Variants in EPHA7 observed in about 807,000 individuals in gnomAD.
The protein encoded by EPHA7 is ephrin type-A receptor 7.
Under a neutral mutation model 112.6 loss-of-function variants are expected in EPHA7, and 25 were observed. The observed-to-expected ratio is 0.22, with a 90% confidence interval of 0.16 to 0.31. The LOEUF (loss-of-function observed/expected upper bound fraction) is 0.31. Among genes scored for constraint, EPHA7 ranks in the 10% least tolerant of loss-of-function variants. The pLI is 1.00. For missense variants in EPHA7, 962 were observed against 1,212.6 expected (o/e 0.79, Z 3.07); for synonymous variants, 437 against 406.5 (o/e 1.07, Z -0.90).
intron 3 of EPHA7, among the ~76,000 whole-genome samples, chr6:93,397,263 T>A (rs1407231342): frequency 2.0e-5 from 3 of 151,794 alleles, no homozygotes; most frequent in Admixed American, 1.3e-4. Flanking sequence ...AGTAAATAGT[T>A]TTTCAAGAAA....
rs777662629 is a variant in EPHA7 at position 93,258,226 on chromosome 6, T to C, written c.1983A>G (p.Ala661=). The C allele has an allele frequency of 6.2e-7, 1 of 1,612,278 alleles. No individual in the cohort carries two copies. Among genetic ancestry groups the C allele is most frequent in the South Asian group, 1.1e-5 (1 of 90,828 alleles). Residue 661 remains alanine (A), a synonymous_variant, in exon 11 of 17, where the codon GCA becomes GCG. Transcript: ENST00000369303. Reference sequence around the variant, plus strand: ...CAACTTTCAGGGTTTTTATGGCTACTGCAACATCTCTTTTCCCTGGAAGTT... The same window carrying C: ...CAACTTTCAGGGTTTTTATGGCTACCGCAACATCTCTTTTCCCTGGAAGTT... ...RLKLPGKRDV[A]VAIKTLKVGY...
chr6:93,260,543 G>T (rs1439233168), intron 9 of EPHA7: 10 of 959,348 alleles, frequency 1.0e-5, no homozygotes, highest in Admixed American at 1.2e-4. Flanking sequence ...CTTACTATTT[G>T]GAGAACAATA....
At position 93,243,293 on chromosome 6, in the gene EPHA7, T is replaced by C; in HGVS notation, c.*133A>G. On this transcript the variant is annotated 3_prime_UTR_variant, in exon 17 of 17. Transcript: ENST00000369303. Reference sequence around the variant, plus strand: ...CTTAGGAGTTCAAGTCTATAGGTGCTTCTTAAATCTTCTCTTCACTGTTGG... The same window carrying C: ...CTTAGGAGTTCAAGTCTATAGGTGCCTCTTAAATCTTCTCTTCACTGTTGG... 1.7e-6 allele frequency: 1 copy of C among 578,210 alleles called. No individual in the cohort carries two copies. Among genetic ancestry groups the C allele is most frequent in the Non-Finnish European group, 3.0e-6 (1 of 334,026 alleles). 35.8% of individuals were successfully genotyped at this position (578,210 alleles called of 1,614,324 possible).
At chr6:93,247,184 TC>T in intron 14 of EPHA7, among the ~76,000 whole-genome samples, 199 bp from the exon 15 acceptor site, 1 of 152,286 alleles carries the variant, frequency 6.6e-6, no homozygotes, top group Non-Finnish European at 1.5e-5. Flanking sequence ...TGATGACATT[TC>T]CTAGTTAATT....
intron 5 of EPHA7, among the ~76,000 whole-genome samples, chr6:93,333,341 C>T (rs1334231915): frequency 2.0e-5 from 3 of 151,680 alleles, no homozygotes; most frequent in South Asian, 2.1e-4. Context: ...TGTGCTGTGA[C>T]GAACATACGC....
chr6:93,248,975 T>C (rs890524326), intron 14 of EPHA7, among the ~76,000 whole-genome samples: 1 of 152,314 alleles, frequency 6.6e-6, no homozygotes, highest in African/African-American at 2.4e-5. Context: ...AGTGATGGAG[T>C]GATTATCTCA....
intron 3 of EPHA7, among the ~76,000 whole-genome samples, chr6:93,364,547 A>AG (rs1452532562): frequency 6.6e-6 from 1 of 151,872 alleles, no homozygotes; most frequent in Non-Finnish European, 1.5e-5. Flanking sequence ...AAAAAAAAAA[A>AG]AAAAAAAATT....
intron 2 of EPHA7, among the ~76,000 whole-genome samples, chr6:93,414,487 T>C (rs940930093): frequency 6.6e-6 from 1 of 151,168 alleles, no homozygotes; most frequent in Non-Finnish European, 1.5e-5. Context: ...CAAAAGACTA[T>C]GGCTATGAGG....
rs745460482 is a variant in EPHA7, at chr6:93,411,088, T to C, written c.245A>G (p.Asn82Ser). 5 of 1,613,868 alleles carry C rather than the reference T, an allele frequency of 3.1e-6. No individual in the cohort carries two copies. The highest frequency in any genetic ancestry group is 4.2e-6 in the Non-Finnish European group (5 of 1,179,954). ...QVCQVMEPNQNNWLRTNWISK... is the reference protein window; with the variant it reads ...QVCQVMEPNQSNWLRTNWISK... ...AATCCAGTTAGTCCGCAGCCAGTTG[T>C]TTTGGTTGGGCTCCATGACTTGGCA... Residue 82 changes from asparagine to serine, a missense_variant, in exon 3 of 17, where the codon AAC (asparagine) becomes AGC (serine). Asn to Ser is a conservative substitution (Grantham distance 46). This residue lies in a region of EPHA7 where 160 missense variants were observed against 263.6 expected (regional missense o/e 0.61). Coordinates refer to ENST00000369303, the MANE Select transcript of EPHA7 (RefSeq NM_004440.4).
At chr6:93,382,023 T>C (rs995678468) in intron 3 of EPHA7, among the ~76,000 whole-genome samples, 1 of 152,224 alleles carries the variant, frequency 6.6e-6, no homozygotes, top group African/African-American at 2.4e-5. Flanking sequence ...ATAAAAAGAA[T>C]TTGATATAAG....
rs370735721 is a variant in EPHA7, at chr6:93,243,393, T to C, written c.*33A>G. On this transcript the variant is annotated 3_prime_UTR_variant, in exon 17 of 17. Coordinates refer to ENST00000369303, the MANE Select transcript of EPHA7 (RefSeq NM_004440.4). ...GAAGGCCAGTACTGTTCTCTTGCAG[T>C]CTGTAATCTCCCTTAAAAGGGAGAA... 276 of 1,516,328 alleles carry C rather than the reference T, an allele frequency of 1.8e-4. 1 individual carries two copies. In the South Asian group the frequency reaches 2.2e-3, roughly 12 times the overall value. 93.9% of individuals were successfully genotyped at this position (1,516,328 alleles called of 1,614,324 possible).
At chr6:93,317,780 C>G (rs992517125) in intron 5 of EPHA7, among the ~76,000 whole-genome samples, 1 of 152,116 alleles carries the variant, frequency 6.6e-6, no homozygotes, top group Non-Finnish European at 1.5e-5. Flanking sequence ...TGTCTAGCAC[C>G]TACAATATGT....
chr6:93,385,171 A>G (rs145935423), intron 3 of EPHA7, among the ~76,000 whole-genome samples: 1 of 152,288 alleles, frequency 6.6e-6, no homozygotes, highest in East Asian at 1.9e-4. Context: ...ATGTTGTTCT[A>G]TAAATGAAAT....
intron 10 of EPHA7, among the ~76,000 whole-genome samples, chr6:93,258,675 T>G (rs1198653895): frequency 6.7e-6 from 1 of 148,246 alleles, no homozygotes; most frequent in African/African-American, 2.4e-5. Context: ...TTTAAAAATT[T>G]TTTTATATAT....
At chr6:93,328,252 T>C (rs1774418506) in intron 5 of EPHA7, among the ~76,000 whole-genome samples, 1 of 151,614 alleles carries the variant, frequency 6.6e-6, no homozygotes, top group Non-Finnish European at 1.5e-5. Context: ...CTATGTATTT[T>C]GTTTGAACAA....
intron 3 of EPHA7, among the ~76,000 whole-genome samples, chr6:93,367,219 T>G (rs1485333535): frequency 6.6e-6 from 1 of 152,132 alleles, no homozygotes; most frequent in African/African-American, 2.4e-5. Context: ...AGGCAACAAT[T>G]AGGAGAGTTC....
At chr6:93,311,133 T>TTTTTTTTTTTTTTTTTG in intron 5 of EPHA7, among the ~76,000 whole-genome samples, 1 of 143,246 alleles carries the variant, frequency 7.0e-6, no homozygotes, top group Non-Finnish European at 1.5e-5. Flanking sequence ...TTTTTTTTTT[T>TTTTTTTTTTTTTTTTTG]TTTTTTTTAC....
intron 3 of EPHA7, among the ~76,000 whole-genome samples, chr6:93,395,043 G>A (rs967410561): frequency 6.6e-6 from 1 of 151,300 alleles, no homozygotes; most frequent in African/African-American, 2.4e-5. Flanking sequence ...TTTTTTTACA[G>A]TACTATGGAA....
At chr6:93,306,875 A>C (rs1050635341) in intron 5 of EPHA7, among the ~76,000 whole-genome samples, 30 of 151,888 alleles carry the variant, frequency 2.0e-4, no homozygotes, top group Non-Finnish European at 3.7e-4. Context: ...AATTCCCTCT[A>C]GAAGGAGAAA....
Sources: gnomAD v4.1 joint callset for allele counts (sites outside exome capture counted in the v4.1 genomes callset) on GRCh38, gnomAD v4.1.1 for gene constraint, gnomAD v4.1.1 regional missense constraint, MANE v1.5 for transcripts, NCBI Gene and HGNC (gene_info 2026-07-23, HGNC 2026-07-21) for gene names.